SLC35F4: variants seen among roughly 807,000 people sequenced by gnomAD.
SLC35F4 encodes solute carrier family 35 member F4.
A neutral mutation model predicts 44.2 loss-of-function variants in SLC35F4; 24 were observed. The observed-to-expected ratio is 0.54, with a 90% CI of 0.39 to 0.76. The LOEUF is 0.76. SLC35F4 is among the 30% of genes least tolerant of loss of function. The probability of loss-of-function intolerance (pLI) is 0.00; values close to 1 mark genes in which losing one functional copy is unlikely to be tolerated. For synonymous variants in SLC35F4, 238 were observed against 223.6 expected (o/e 1.06, Z -0.57); for missense variants, 562 against 586.1 (o/e 0.96, Z 0.42).
intron 1 of SLC35F4, among the ~76,000 whole-genome samples, chr14:57,879,652 A>T (rs1178490481): frequency 6.6e-6 from 1 of 152,030 alleles, no homozygotes; most frequent in Non-Finnish European, 1.5e-5. Flanking sequence ...ATGTTTTTCA[A>T]GTCTCAATTC....
intron 1 of SLC35F4, among the ~76,000 whole-genome samples, chr14:57,729,319 A>G (rs1157003685): frequency 6.6e-6 from 1 of 152,094 alleles, no homozygotes; most frequent in African/African-American, 2.4e-5. Context: ...AGAGTCTTTT[A>G]CCGTAGCCAC....
Position 57,589,401 on chromosome 14 carries a change from G to T in SLC35F4, c.402C>A (p.Ile134=). The T allele has an allele frequency of 6.2e-7, 1 of 1,613,990 alleles. No homozygotes were observed. The highest frequency in any genetic ancestry group is 8.5e-7 in the Non-Finnish European group (1 of 1,179,890). The change falls in exon 3 of 8, where the codon ATC becomes ATA. Residue 134 remains isoleucine, a synonymous_variant. Transcript: ENST00000556826. ...CCCAAGATGATGATACTGACAAGATGATCAAGAGTCCCCAGATGCCCTTCA... is the reference window on the plus strand; with the variant it reads ...CCCAAGATGATGATACTGACAAGATTATCAAGAGTCCCCAGATGCCCTTCA... ...MVLKGIWGLL[I]ILSVSSSWVG...
chr14:57,906,442 T>C (rs1452316793), intron 1 of SLC35F4, among the ~76,000 whole-genome samples: 2 of 152,234 alleles, frequency 1.3e-5, no homozygotes, highest in African/African-American at 2.4e-5. Flanking sequence ...TTCTGTCTTA[T>C]GATTGTTGCA....
intron 6 of SLC35F4, among the ~76,000 whole-genome samples, chr14:57,569,447 C>G (rs188245740): frequency 6.6e-6 from 1 of 152,264 alleles, no homozygotes; most frequent in Non-Finnish European, 1.5e-5. Flanking sequence ...CTAACCTCTG[C>G]CCAACACAGC....
intron 1 of SLC35F4, among the ~76,000 whole-genome samples, chr14:57,905,028 A>G (rs1028108398): frequency 6.6e-6 from 1 of 152,228 alleles, no homozygotes; most frequent in African/African-American, 2.4e-5. Context: ...ATTTTATCTC[A>G]TAATCTCATG....
At chr14:57,895,317 G>A (rs1476317834) in intron 1 of SLC35F4, among the ~76,000 whole-genome samples, 1 of 152,072 alleles carries the variant, frequency 6.6e-6, no homozygotes, top group African/African-American at 2.4e-5. Context: ...TGACTGACCT[G>A]CTTCTGCCTC....
chr14:57,786,587 C>T (rs899452314), intron 1 of SLC35F4, among the ~76,000 whole-genome samples: 2 of 152,194 alleles, frequency 1.3e-5, no homozygotes, highest in Non-Finnish European at 2.9e-5. Flanking sequence ...GTTCACATCA[C>T]AGGACTCTAT....
At chr14:57,792,958 A>G (rs2077963698) in intron 1 of SLC35F4, among the ~76,000 whole-genome samples, 1 of 152,164 alleles carries the variant, frequency 6.6e-6, no homozygotes, top group Non-Finnish European at 1.5e-5. Flanking sequence ...AATTAAGTGT[A>G]TTTTATTAAA....
intron 3 of SLC35F4, 59 bp downstream of exon 3, chr14:57,589,157 G>C: frequency 6.7e-7 from 1 of 1,498,564 alleles, no homozygotes; most frequent in Non-Finnish European, 9.0e-7. Flanking sequence ...GATAAAAATA[G>C]GCATATTTTC....
At chr14:57,754,661 G>C (rs569560303) in intron 1 of SLC35F4, among the ~76,000 whole-genome samples, 1 of 152,308 alleles carries the variant, frequency 6.6e-6, no homozygotes, top group East Asian at 1.9e-4. Flanking sequence ...CTTTCATCTT[G>C]TATCAGGGCT....
chr14:57,807,545 T>G (rs368122658), intron 1 of SLC35F4, among the ~76,000 whole-genome samples: 1 of 151,866 alleles, frequency 6.6e-6, no homozygotes, highest in African/African-American at 2.4e-5. Context: ...AGCAAAACAC[T>G]ATACTTGCTC....
At chr14:57,795,769 T>A (rs1257474884) in intron 1 of SLC35F4, among the ~76,000 whole-genome samples, 1 of 152,188 alleles carries the variant, frequency 6.6e-6, no homozygotes, top group East Asian at 1.9e-4. Flanking sequence ...AATTTAAAAA[T>A]TAATAATAGA....
At chr14:57,578,435 A>T (rs1252815998) in intron 4 of SLC35F4, among the ~76,000 whole-genome samples, 4 of 137,394 alleles carry the variant, frequency 2.9e-5, no homozygotes, top group Non-Finnish European at 6.1e-5. Flanking sequence ...AATAAGAGCT[A>T]CATTTATGTT....
chr14:57,632,562 C>G (rs1440082900), intron 1 of SLC35F4, among the ~76,000 whole-genome samples: 2 of 151,960 alleles, frequency 1.3e-5, no homozygotes, highest in Non-Finnish European at 2.9e-5. Flanking sequence ...ATTCCTGCCC[C>G]CACACATCCA....
intron 1 of SLC35F4, among the ~76,000 whole-genome samples, chr14:57,728,822 T>G (rs2076277876): frequency 6.6e-6 from 1 of 152,196 alleles, no homozygotes; most frequent in Admixed American, 6.5e-5. Context: ...AAGAACTCCC[T>G]TTAGCATTTC....
rs183808914 is a variant in SLC35F4, at chr14:57,936,674, C to T, written n.282+45239G>A. On this transcript the variant is annotated intron_variant and non_coding_transcript_variant, in intron 1 of 1. Coordinates refer to the SLC35F4 transcript ENST00000556568. ...CCCTACAATAAAGAATTATCTATCC[C>T]AAAATGTCAATGCTTCCTTGGTTTG... 1.5e-3 allele frequency among the ~76,000 whole-genome samples: 222 copies of T among 152,178 alleles called. 2 individuals are homozygous for T. Among genetic ancestry groups the T allele is most frequent in the Non-Finnish European group, 2.5e-3 (171 of 68,030 alleles).
chr14:57,566,459 C>T lies in SLC35F4; in HGVS notation c.1216+16G>A. On this transcript the variant is annotated intron_variant, in intron 7 of 7. Coordinates refer to ENST00000556826, the MANE Select transcript of SLC35F4 (RefSeq NM_001306087.2). ...TGTAGTGGCCAGGATCTGCACATGT[C>T]ACATGGTGCCTGTACCTGCATTTCC... The T allele has an allele frequency of 6.3e-7, 1 of 1,576,470 alleles. No homozygotes were observed. The highest frequency in any genetic ancestry group is 8.6e-7 in the Non-Finnish European group (1 of 1,160,372).
intron 1 of SLC35F4, among the ~76,000 whole-genome samples, chr14:57,802,943 T>C (rs1393011634): frequency 7.1e-6 from 1 of 140,968 alleles, no homozygotes; most frequent in Non-Finnish European, 1.5e-5. Context: ...AACTCATTCA[T>C]GAGGCCAGCA....
intron 1 of SLC35F4, among the ~76,000 whole-genome samples, chr14:57,715,785 C>A (rs1045042934): frequency 1.3e-5 from 2 of 151,914 alleles, no homozygotes; most frequent in Non-Finnish European, 2.9e-5. Flanking sequence ...GTATTTCAGA[C>A]AATAGGAGAG....
Sources: allele counts gnomAD v4.1 joint callset (sites outside exome capture counted in the v4.1 genomes callset), GRCh38; gene constraint gnomAD v4.1.1; transcripts MANE v1.5; gene names NCBI Gene and HGNC (gene_info 2026-07-23, HGNC 2026-07-21).